Variants in L1TD1 observed in about 807,000 individuals in gnomAD.
L1TD1 encodes the protein LINE1 type transposase domain containing 1, also known as LINE-1 type transposase domain-containing protein 1.
L1TD1 carries 26 observed loss-of-function variants against 25.7 expected under a neutral mutation model. That is an observed-to-expected ratio of 1.01 (90% CI 0.74 to 1.40). The LOEUF is 1.40. Among genes scored for constraint, L1TD1 ranks in the 40% most tolerant of loss-of-function variants. The probability of loss-of-function intolerance (pLI) is 0.00; values close to 1 mark genes in which losing one functional copy is unlikely to be tolerated. For synonymous variants in L1TD1, 421 were observed against 335.6 expected (o/e 1.25, Z -2.78); for missense variants, 1,130 against 975.0 (o/e 1.16, Z -2.12).
Position 62,211,383 on chromosome 1 carries a change from T to C in L1TD1, c.*11T>C, listed in dbSNP as rs769922576. On this transcript the variant is annotated 3_prime_UTR_variant, in exon 4 of 4. Transcript: ENST00000498273. ...AATAATATACCTTAGCACGCCAGGG[T>C]GACTACAAACAATATGCTTTCCTCC... The C allele has an allele frequency of 2.4e-5, 37 of 1,560,210 alleles. No homozygotes were observed. The highest frequency in any genetic ancestry group is 1.6e-4 in the Admixed American group (8 of 49,540).
chr1:62,212,080 CAG>C lies in L1TD1; in HGVS notation c.*710_*711del, dbSNP rs1310426420. The C allele has an allele frequency of 2.0e-5, 3 of 152,122 alleles. No individual in the cohort carries two copies. Among genetic ancestry groups the C allele is most frequent in the Admixed American group, 6.6e-5 (1 of 15,258 alleles). 9.4% of individuals were successfully genotyped at this position (152,122 alleles called of 1,614,324 possible). A position where few individuals can be genotyped will look rare whatever the true frequency, so the allele number is the denominator to read the frequency against. ...GTAGGAAAACAGGAGGGGACAGTAA[CAG>C]AAAAGCACGGGAAAAGATGGCAAGG... On this transcript the variant is annotated 3_prime_UTR_variant, in exon 4 of 4. Transcript: ENST00000498273.
At chr1:62,200,044 TA>T (rs1670612035) in intron 2 of L1TD1, among the ~76,000 whole-genome samples, 1 of 152,202 alleles carries the variant, frequency 6.6e-6, no homozygotes, top group African/African-American at 2.4e-5. Flanking sequence ...AAGACATCCT[TA>T]ACCAATGGGT....
chr1:62,201,700 TTTC>T (rs1318776156), intron 2 of L1TD1, among the ~76,000 whole-genome samples: 2 of 152,164 alleles, frequency 1.3e-5, no homozygotes, highest in Non-Finnish European at 2.9e-5. Flanking sequence ...ATAAGGAGAC[TTTC>T]TTAACTAAAT....
chr1:62,197,397 TTATATATATATATA>T (rs10528649), intron 2 of L1TD1, among the ~76,000 whole-genome samples: 1,128 of 80,832 alleles, frequency 0.014, 37 homozygotes, highest in African/African-American at 0.035. Flanking sequence ...AAAAAATAAA[TTATATATATATATA>T]TATATATATA....
chr1:62,197,264 G>A (rs1222651262), intron 2 of L1TD1, among the ~76,000 whole-genome samples: 1 of 151,572 alleles, frequency 6.6e-6, no homozygotes, highest in African/African-American at 2.4e-5. Context: ...GCACGCTCCT[G>A]TAGTCCCAGC....
Position 62,206,817 on chromosome 1 carries a change from C to T in L1TD1, c.189C>T (p.Asp63=). 6.2e-7 allele frequency: 1 copy of T among 1,602,802 alleles called. No homozygotes were observed. The highest frequency in any genetic ancestry group is 1.7e-5 in the Admixed American group (1 of 57,568). ...TTAAGGTCTTAATGGAAATTCAAGA[C>T]CTGATGTTTGAGGAGATGAGGGAAA... is the stretch of plus-strand genomic sequence containing the variant. The part of the protein sequence containing the change: ...NKFKVLMEIQ[D]LMFEEMRETL... The change falls in exon 3 of 4, where the codon GAC becomes GAT. Residue 63 remains aspartate, a synonymous_variant. Coordinates refer to ENST00000498273, the MANE Select transcript of L1TD1 (RefSeq NM_019079.5).
At position 62,206,764 on chromosome 1, in the gene L1TD1, A is replaced by G. The variant is rs916279353; in HGVS notation, c.136A>G (p.Lys46Glu). 8.2e-5 allele frequency: 128 copies of G among 1,556,850 alleles called. No individual in the cohort carries two copies. Among genetic ancestry groups the G allele is most frequent in the Non-Finnish European group, 1.1e-4 (123 of 1,149,188 alleles). Residue 46 changes from lysine (K) to glutamate (E), a missense_variant, in exon 3 of 4, where the codon AAG (lysine) becomes GAG (glutamate). Transcript: ENST00000498273. ...DIAPVLDLKC[K>E]DVSAIMNKFK... is the part of the protein sequence containing the mutation. Reference sequence around the variant, plus strand: ...AGCTCCGGTATTAGATTTAAAATGCAAGGACGTATCAGCAATTATGAATAA... The same window carrying G: ...AGCTCCGGTATTAGATTTAAAATGCGAGGACGTATCAGCAATTATGAATAA...
At chr1:62,205,388 T>C (rs1670718410) in intron 2 of L1TD1, among the ~76,000 whole-genome samples, 6 of 46,750 alleles carry the variant, frequency 1.3e-4, no homozygotes, top group South Asian at 6.8e-4. Context: ...TCTCTCTCTC[T>C]TTCTCTCTCT....
At chr1:62,205,385 CTCTTT>C (rs1557443404) in intron 2 of L1TD1, among the ~76,000 whole-genome samples, 1 of 55,644 alleles carries the variant, frequency 1.8e-5, no homozygotes, top group Non-Finnish European at 3.6e-5. Context: ...CTCTCTCTCT[CTCTTT>C]CTCTCTCTCT....
At chr1:62,203,981 C>T (rs567397029) in intron 2 of L1TD1, among the ~76,000 whole-genome samples, 1 of 152,304 alleles carries the variant, frequency 6.6e-6, no homozygotes, top group Non-Finnish European at 1.5e-5. Context: ...CTGCCTTGGC[C>T]TCCCAAGGTG....
At chr1:62,200,508 T>C (rs1042701152) in intron 2 of L1TD1, among the ~76,000 whole-genome samples, 2 of 152,076 alleles carry the variant, frequency 1.3e-5, no homozygotes, top group African/African-American at 4.8e-5. Context: ...TAAATTAATG[T>C]ATTTATGTAC....
Position 62,207,489 on chromosome 1 carries a change from T to C in L1TD1, c.861T>C (p.Asp287=), listed in dbSNP as rs1570929331. 6 of 1,551,186 alleles carry C rather than the reference T, an allele frequency of 3.9e-6. No homozygotes were observed. The highest frequency in any genetic ancestry group is 5.2e-6 in the Non-Finnish European group (6 of 1,146,884). ...LCEVKLAFKC[D]GEIKTFSDLQ... ...AAGTTAAATTAGCATTTAAATGTGA[T>C]GGTGAAATAAAGACATTTTCAGATC... Residue 287 remains aspartate (D), a synonymous_variant, in exon 3 of 4, where the codon GAT becomes GAC. Transcript: ENST00000498273.
chr1:62,199,701 C>A (rs1205927729), intron 2 of L1TD1, among the ~76,000 whole-genome samples: 1 of 151,960 alleles, frequency 6.6e-6, no homozygotes, highest in Non-Finnish European at 1.5e-5. Context: ...AACTTAATTT[C>A]GAGTTTCTCA....
At position 62,210,804 on chromosome 1, in the gene L1TD1, C is replaced by T; in HGVS notation, c.2030C>T (p.Thr677Ile). Residue 677 changes from threonine (T) to isoleucine (I), a missense_variant, in exon 4 of 4, where the codon ACA (threonine) becomes ATA (isoleucine). Physicochemically the swap from Thr to Ile is moderately conservative, Grantham distance 89. Transcript: ENST00000498273. ...CAAATTGAAGAATTCTCTAAGGATA[C>T]AATGCAAATGACCAAACAGATAATT... ...EDQIEEFSKD[T>I]MQMTKQIISK... is the part of the protein sequence containing the mutation. 6.5e-7 allele frequency: 1 copy of T among 1,549,858 alleles called. No individual in the cohort carries two copies. The highest frequency in any genetic ancestry group is 8.7e-7 in the Non-Finnish European group (1 of 1,146,612).
chr1:62,204,229 T>C (rs1009017871), intron 2 of L1TD1, among the ~76,000 whole-genome samples: 1 of 152,192 alleles, frequency 6.6e-6, no homozygotes, highest in Non-Finnish European at 1.5e-5. Context: ...TTTCATTTCT[T>C]TGATTTGCGC....
chr1:62,198,896 G>T (rs1670592194), intron 2 of L1TD1, among the ~76,000 whole-genome samples: 1 of 151,474 alleles, frequency 6.6e-6, no homozygotes, highest in Non-Finnish European at 1.5e-5. Context: ...GGAATGCAGT[G>T]ATGCAATCAT....
At position 62,207,033 on chromosome 1, in the gene L1TD1, T is replaced by C; in HGVS notation, c.405T>C (p.Phe135=). 1 of 1,613,540 alleles carries C rather than the reference T, an allele frequency of 6.2e-7. No individual in the cohort carries two copies. Among genetic ancestry groups the C allele is most frequent in the Non-Finnish European group, 8.5e-7 (1 of 1,179,858 alleles). ...GTGATGATAATGAAAATTTAACCTT[T>C]AAATTAGAAGTAAATGAGCTGAGTG... is the stretch of plus-strand genomic sequence containing the variant. ...KIGDDNENLT[F]KLEVNELSGK... is the part of the protein sequence containing the mutation. The change falls in exon 3 of 4, where the codon TTT becomes TTC. Residue 135 remains phenylalanine (F), a synonymous_variant. Coordinates refer to ENST00000498273, the MANE Select transcript of L1TD1 (RefSeq NM_019079.5).
intron 1 of L1TD1, among the ~76,000 whole-genome samples, chr1:62,195,131 G>A (rs1020989248): frequency 5.9e-5 from 9 of 151,514 alleles, no homozygotes; most frequent in African/African-American, 1.9e-4. Context: ...AGTAAGGCTG[G>A]TCCAGGAGCG....
At chr1:62,205,431 A>ATTTTTTT (rs1311867098) in intron 2 of L1TD1, among the ~76,000 whole-genome samples, 1 of 36,314 alleles carries the variant, frequency 2.8e-5, no homozygotes, top group African/African-American at 9.0e-5. Flanking sequence ...ATATATATAT[A>ATTTTTTT]TATATATATA....
Sources: gnomAD v4.1 joint callset for allele counts (sites outside exome capture counted in the v4.1 genomes callset) on GRCh38, gnomAD v4.1.1 for gene constraint, MANE v1.5 for transcripts, NCBI Gene and HGNC (gene_info 2026-07-23, HGNC 2026-07-21) for gene names.